The following CAMTA1 variants were observed in gnomAD, a reference collection of about 807,000 sequenced individuals.
CAMTA1 encodes calmodulin binding transcription activator 1.
In CAMTA1, 27 loss-of-function variants were observed where a neutral mutation model predicts 170.9. That is an observed-to-expected ratio of 0.16 (90% confidence interval 0.12 to 0.22). The LOEUF (loss-of-function observed/expected upper bound fraction) is 0.22. Among genes scored for constraint, CAMTA1 ranks in the 10% least tolerant of loss-of-function variants. CAMTA1 has a pLI of 1.00. For synonymous variants in CAMTA1, 833 were observed against 891.5 expected, an observed-to-expected ratio of 0.93 and a Z score of 1.17; for missense variants, 1,619 against 2,217.2, an observed-to-expected ratio of 0.73 and a Z score of 5.42.
At chr1:6,938,416 G>T (rs1207302772) in intron 3 of CAMTA1, among the ~76,000 whole-genome samples, 1 of 152,150 alleles carries the variant, frequency 6.6e-6, no homozygotes, top group Non-Finnish European at 1.5e-5. Flanking sequence ...CACAGCAGGA[G>T]GTGGGGAGCA....
intron 6 of CAMTA1, among the ~76,000 whole-genome samples, chr1:7,579,936 T>C (rs1179715975): frequency 6.6e-6 from 1 of 152,258 alleles, no homozygotes; most frequent in Non-Finnish European, 1.5e-5. Flanking sequence ...GGGACAGTTC[T>C]GAGATCTGGG....
rs189750299 is a variant in CAMTA1 at position 7,534,375 on chromosome 1, G to A, written c.510+66474G>A. On this transcript the variant is annotated intron_variant, in intron 6 of 22. Coordinates refer to ENST00000303635, the MANE Select transcript of CAMTA1 (RefSeq NM_015215.4). This position sits in a 1 kb window ranked among gnomAD's most constrained non-coding sequence, Gnocchi z 5.6. ...AGGAATTAAATCTTCCTGACACCCC[G>A]GGGCCACACGGGGAGAGCTTGCTGC... Among the ~76,000 whole-genome samples, 60 of 152,276 alleles carry A rather than the reference G, an allele frequency of 3.9e-4. No individual in the cohort carries two copies. The highest frequency in any genetic ancestry group is 3.9e-3 in the Admixed American group (59 of 15,296).
chr1:7,643,834 T>C (rs1398033323), intron 7 of CAMTA1, among the ~76,000 whole-genome samples: 1 of 152,214 alleles, frequency 6.6e-6, no homozygotes, highest in Non-Finnish European at 1.5e-5. Context: ...GAAATGCGGC[T>C]GCAGGAGAAG....
rs1188594362 is a variant in CAMTA1, at chr1:7,547,674, C to G, written c.510+79773C>G. Reference sequence around the variant, plus strand: ...GGCCCAACACAAATTCATAAACTTTCCTAAAACATTATGAGACTTTTTTGC... The same window carrying G: ...GGCCCAACACAAATTCATAAACTTTGCTAAAACATTATGAGACTTTTTTGC... On this transcript the variant is annotated intron_variant, in intron 6 of 22. Coordinates refer to ENST00000303635, the MANE Select transcript of CAMTA1 (RefSeq NM_015215.4). The surrounding 1 kb of genome is among the most constrained non-coding windows in gnomAD (Gnocchi z 5.7). 1.3e-5 allele frequency among the ~76,000 whole-genome samples: 2 copies of G among 149,590 alleles called. No homozygotes were observed. The highest frequency in any genetic ancestry group is 2.9e-5 in the Non-Finnish European group (2 of 67,860).
chr1:7,009,192 C>T (rs11800442), intron 3 of CAMTA1, among the ~76,000 whole-genome samples: 62,279 of 152,142 alleles, frequency 0.41, 14,020 homozygotes, highest in African/African-American at 0.61. Context: ...AAGGCAGGCT[C>T]GGACCAGGAA....
intron 4 of CAMTA1, among the ~76,000 whole-genome samples, chr1:7,153,787 C>T (rs1322290622): frequency 6.6e-6 from 1 of 152,164 alleles, no homozygotes; most frequent in Non-Finnish European, 1.5e-5. Flanking sequence ...ACCGTGGGTC[C>T]CTTGCATGAC....
chr1:7,404,996 A>C (rs1427664272), intron 5 of CAMTA1, among the ~76,000 whole-genome samples: 2 of 151,920 alleles, frequency 1.3e-5, no homozygotes, highest in Non-Finnish European at 2.9e-5. Flanking sequence ...GTTGAGGTGA[A>C]GTGAAAATAT....
chr1:7,559,616 G>C (rs1174496782), intron 6 of CAMTA1, among the ~76,000 whole-genome samples: 3 of 152,194 alleles, frequency 2.0e-5, no homozygotes, highest in Non-Finnish European at 4.4e-5. Flanking sequence ...GGTGTTGGAG[G>C]GGTCTGCACT....
At chr1:7,178,477 C>A (rs560740705) in intron 4 of CAMTA1, among the ~76,000 whole-genome samples, 2 of 152,250 alleles carry the variant, frequency 1.3e-5, no homozygotes, top group African/African-American at 2.4e-5. Flanking sequence ...TTGAACTAAG[C>A]CACACCCCTC....
intron 11 of CAMTA1, among the ~76,000 whole-genome samples, chr1:7,717,252 G>A (rs999310623): frequency 6.6e-6 from 1 of 152,060 alleles, no homozygotes; most frequent in African/African-American, 2.4e-5. Context: ...TGCTAAGAGG[G>A]TAGATGTTAA....
At chr1:7,314,504 A>G (rs1222133519) in intron 5 of CAMTA1, among the ~76,000 whole-genome samples, 1 of 152,230 alleles carries the variant, frequency 6.6e-6, no homozygotes, top group Non-Finnish European at 1.5e-5. Context: ...TGTGGTTCCC[A>G]ACTGCCATCT....
chr1:7,668,327 A>G (rs564683118), intron 9 of CAMTA1, among the ~76,000 whole-genome samples: 1 of 151,242 alleles, frequency 6.6e-6, no homozygotes, highest in Admixed American at 6.6e-5. Flanking sequence ...TCCCTCCCAC[A>G]GGCTGCTCCC....
chr1:7,135,538 G>A (rs1645493092), intron 4 of CAMTA1, among the ~76,000 whole-genome samples: 1 of 152,162 alleles, frequency 6.6e-6, no homozygotes, highest in Non-Finnish European at 1.5e-5. Flanking sequence ...TCTTGGTGCT[G>A]CAGGACCTGG....
chr1:7,417,798 C>T lies in CAMTA1; in HGVS notation c.439-50032C>T, dbSNP rs566228860. On this transcript the variant is annotated intron_variant, in intron 5 of 22. Coordinates refer to ENST00000303635, the MANE Select transcript of CAMTA1 (RefSeq NM_015215.4). ...CACCCACTGTCCTGCACCCACCGTC[C>T]GGCACTCCCTAGTGAGATGAGCCTG... Among the ~76,000 whole-genome samples the T allele has an allele frequency of 1.4e-3, 215 of 152,286 alleles. 1 individual carries two copies. The highest frequency in any genetic ancestry group is 4.8e-3 in the African/African-American group (199 of 41,552).
chr1:7,079,472 AT>A lies in CAMTA1; in HGVS notation c.235-11822del, dbSNP rs33997959. 5.3e-5 allele frequency among the ~76,000 whole-genome samples: 8 copies of A among 150,354 alleles called. No homozygotes were observed. In the South Asian group the frequency reaches 8.5e-4, roughly 16 times the overall value. ...AGATTTCTTCAAATTAGTGATAAAG[AT>A]TTTTTTTTTCTTTTTTAAAGACAGA... On this transcript the variant is annotated intron_variant, in intron 3 of 22. Transcript: ENST00000303635.
rs1210077523 is a variant in CAMTA1 at position 7,680,996 on chromosome 1, G to A, written c.2914+3263G>A. ...ATCGTCCCCACGTTGGGGCCGGGGG[G>A]CAGGGACCCGACGTCCCCAAAATCT... On this transcript the variant is annotated intron_variant, in intron 11 of 22. Transcript: ENST00000303635. This position sits in a 1 kb window ranked among gnomAD's most constrained non-coding sequence, Gnocchi z 4.4. Among the ~76,000 whole-genome samples the A allele has an allele frequency of 1.3e-5, 2 of 152,064 alleles. No homozygotes were observed. Among genetic ancestry groups the A allele is most frequent in the South Asian group, 2.1e-4 (1 of 4,822 alleles).
At chr1:6,989,922 C>T (rs1696069210) in intron 3 of CAMTA1, among the ~76,000 whole-genome samples, 1 of 152,076 alleles carries the variant, frequency 6.6e-6, no homozygotes. Context: ...TGGGTCAGAG[C>T]AAGGAGAATG....
chr1:7,437,897 C>T (rs570259423), intron 5 of CAMTA1, among the ~76,000 whole-genome samples: 1 of 152,374 alleles, frequency 6.6e-6, no homozygotes, highest in South Asian at 2.1e-4. Flanking sequence ...GTTTTACCAC[C>T]TGGGTCTTGC....
intron 3 of CAMTA1, among the ~76,000 whole-genome samples, chr1:6,836,999 G>A (rs1570696858): frequency 6.7e-6 from 1 of 150,364 alleles, no homozygotes; most frequent in African/African-American, 2.5e-5. Flanking sequence ...GTGCAGTGGC[G>A]CAATCTCGGC....
Sources: gnomAD v4.1 joint callset for allele counts (sites outside exome capture counted in the v4.1 genomes callset) on GRCh38, gnomAD v4.1.1 for gene constraint, Gnocchi (gnomAD v3.1) non-coding constraint, MANE v1.5 for transcripts, NCBI Gene and HGNC (gene_info 2026-07-23, HGNC 2026-07-21) for gene names.